Variants in ATG2B observed in about 807,000 individuals in gnomAD.
ATG2B encodes autophagy-related protein 2 homolog B.
A neutral mutation model predicts 241.3 loss-of-function variants in ATG2B; 121 were observed. The ratio of observed to expected loss-of-function variants is 0.50; its 90% CI spans 0.43 to 0.58. The LOEUF (loss-of-function observed/expected upper bound fraction) is 0.58. Among genes scored for constraint, ATG2B ranks in the 20% least tolerant of loss-of-function variants. The pLI is 0.00. For missense variants in ATG2B, 2,306 were observed against 2,491.6 expected, an observed-to-expected ratio of 0.93 and a Z score of 1.59; for synonymous variants, 858 against 876.6, an observed-to-expected ratio of 0.98 and a Z score of 0.37.
intron 1 of ATG2B, among the ~76,000 whole-genome samples, chr14:96,354,951 A>G (rs1888434484): frequency 6.6e-6 from 1 of 152,078 alleles, no homozygotes; most frequent in Non-Finnish European, 1.5e-5. Flanking sequence ...TCTTTTCAGA[A>G]GTGTCTGTTC....
chr14:96,293,018 A>G (rs1415695272), intron 36 of ATG2B: 7 of 152,106 alleles, frequency 4.6e-5, no homozygotes, highest in Non-Finnish European at 8.8e-5. Flanking sequence ...GCCTTTTTTA[A>G]TTAATATTTT....
At position 96,279,452 on chromosome 14, in the gene ATG2B, C is replaced by T. The variant is rs1886138266; in HGVS notation, c.*6303G>A. ...ATTCACCATTTGCTGATCCCTGACT[C>T]TGGGCAAGGCACTGTGCTAGGCACC... On this transcript the variant is annotated 3_prime_UTR_variant, in exon 42 of 42. Coordinates refer to ENST00000359933, the MANE Select transcript of ATG2B (RefSeq NM_018036.7). 6.6e-6 allele frequency: 1 copy of T among 152,244 alleles called. No homozygotes were observed. Among genetic ancestry groups the T allele is most frequent in the African/African-American group, 2.4e-5 (1 of 41,456 alleles). 9.4% of individuals were successfully genotyped at this position (152,244 alleles called of 1,614,324 possible). A position where few individuals can be genotyped will look rare whatever the true frequency, so the allele number is the denominator to read the frequency against.
intron 18 of ATG2B, among the ~76,000 whole-genome samples, chr14:96,319,486 A>G (rs112366593): frequency 2.0e-5 from 3 of 152,330 alleles, no homozygotes; most frequent in African/African-American, 4.8e-5. Flanking sequence ...ACCTAAAACC[A>G]TACTGCTAAA....
In ATG2B at chr14:96,289,125, A is replaced by T. The variant is rs1595290180; in HGVS notation, c.6006+531T>A. ...ATCTTGAAATAAGTTGCAGAATGAG[A>T]CACATAACACCATTTACGGAAACTT... On this transcript the variant is annotated intron_variant, in intron 41 of 41. Transcript: ENST00000359933. This position sits in a 1 kb window ranked among gnomAD's most constrained non-coding sequence, Gnocchi z 4.3. 6.6e-6 allele frequency among the ~76,000 whole-genome samples: 1 copy of T among 152,224 alleles called. No homozygotes were observed. Among genetic ancestry groups the T allele is most frequent in the African/African-American group, 2.4e-5 (1 of 41,458 alleles).
Position 96,341,692 on chromosome 14 carries a change from G to C in ATG2B, c.754C>G (p.Pro252Ala). ...GGGTTCCAGCTAGGTGAGAGCTTTG[G>C]CTCAGTTTCCTACAATAAAGTGACA... is the stretch of plus-strand genomic sequence containing the variant. The part of the protein sequence containing the change: ...VCSTAPVETE[P>A]KLSPSWNPKI... The change falls in exon 6 of 42, where the codon CCA becomes GCA. Residue 252 changes from proline to alanine, a missense_variant. Transcript: ENST00000359933. The C allele has an allele frequency of 1.9e-6, 3 of 1,561,964 alleles. No homozygotes were observed. The highest frequency in any genetic ancestry group is 2.6e-6 in the Non-Finnish European group (3 of 1,153,526).
Position 96,284,425 on chromosome 14 carries a change from T to C in ATG2B, c.*1330A>G, listed in dbSNP as rs1886282181. On this transcript the variant is annotated 3_prime_UTR_variant, in exon 42 of 42. Coordinates refer to ENST00000359933, the MANE Select transcript of ATG2B (RefSeq NM_018036.7). ...ATTTAGAGAACGAAATTGATTTAAC[T>C]ACATTTTCCAAGCCCCAAATTGAAA... is the stretch of plus-strand genomic sequence containing the variant. 1 of 152,260 alleles carries C rather than the reference T, an allele frequency of 6.6e-6. No homozygotes were observed. Among genetic ancestry groups the C allele is most frequent in the Admixed American group, 6.5e-5 (1 of 15,286 alleles). 9.4% of individuals were successfully genotyped at this position (152,260 alleles called of 1,614,324 possible).
intron 21 of ATG2B, 121 bp from the exon 22 acceptor site, chr14:96,315,704 G>A: frequency 1.4e-6 from 1 of 722,368 alleles, no homozygotes; most frequent in Non-Finnish European, 2.3e-6. Flanking sequence ...AAGGAGGCAT[G>A]ATGACAAAAA....
At position 96,333,881 on chromosome 14, in the gene ATG2B, C is replaced by G. The variant is rs1887805260; in HGVS notation, c.1022-8G>C. On this transcript the variant is annotated splice_region_variant and splice_polypyrimidine_tract_variant and intron_variant, in intron 7 of 41. Coordinates refer to ENST00000359933, the MANE Select transcript of ATG2B (RefSeq NM_018036.7). ...CTATTTTGCTAGAATTTTCTATAAG[C>G]ATACAAAAGGAAACCAAAACAGTAA... The G allele has an allele frequency of 1.9e-6, 3 of 1,611,048 alleles. No homozygotes were observed. The highest frequency in any genetic ancestry group is 2.5e-6 in the Non-Finnish European group (3 of 1,178,038).
At chr14:96,355,643 A>G (rs1462176534) in intron 1 of ATG2B, among the ~76,000 whole-genome samples, 4 of 152,280 alleles carry the variant, frequency 2.6e-5, no homozygotes, top group African/African-American at 9.6e-5. Context: ...GTACTAAGCA[A>G]ACACTTTTTA....
In ATG2B at chr14:96,332,527, C is replaced by T. The variant is rs1887765478; in HGVS notation, c.1336G>A (p.Ala446Thr). 6.2e-7 allele frequency: 1 copy of T among 1,609,908 alleles called. No homozygotes were observed. Among genetic ancestry groups the T allele is most frequent in the Non-Finnish European group, 8.5e-7 (1 of 1,178,554 alleles). ...ACAGTAGCACTTAATGGAGATCCTG[C>T]TGGGGTATTTGTATATGTACTAGTT... Reference protein sequence around the residue: ...SLTSTYTNTPAGSPLSATVLQ... With the variant: ...SLTSTYTNTPTGSPLSATVLQ... Residue 446 changes from alanine (A) to threonine (T), a missense_variant, in exon 9 of 42, where the codon GCA (alanine) becomes ACA (threonine). Around this residue, in one of 2 missense-constraint regions of ATG2B, gnomAD observed 1,927 missense variants for 2,011.2 expected, o/e 0.96. Transcript: ENST00000359933.
intron 22 of ATG2B, 56 bp from the exon 23 acceptor site, chr14:96,315,290 A>C: frequency 6.3e-7 from 1 of 1,587,602 alleles, no homozygotes; most frequent in Non-Finnish European, 8.6e-7. Flanking sequence ...CTATAACTCA[A>C]AAGTTTTTCC....
chr14:96,322,585 G>T lies in ATG2B; in HGVS notation c.2691C>A (p.Ala897=), dbSNP rs757305115. Residue 897 remains alanine, a synonymous_variant, in exon 17 of 42, where the codon GCC becomes GCA. Coordinates refer to ENST00000359933, the MANE Select transcript of ATG2B (RefSeq NM_018036.7). ...LKDVCDLRRP[A]PSPFSSRRVM... is the part of the protein sequence containing the mutation. ...CTCTACGAGAAGAAAAAGGAGATGGGGCTGGTCTTCTTAGATCACAAACAT... is the reference window on the plus strand; with the variant it reads ...CTCTACGAGAAGAAAAAGGAGATGGTGCTGGTCTTCTTAGATCACAAACAT... 11 of 1,613,114 alleles carry T rather than the reference G, an allele frequency of 6.8e-6. No homozygotes were observed. The Admixed American group carries it at 1.8e-4, about 27-fold the overall frequency.
chr14:96,287,987 A>C (rs1886384339), intron 41 of ATG2B, among the ~76,000 whole-genome samples: 2 of 146,456 alleles, frequency 1.4e-5, no homozygotes, highest in South Asian at 4.4e-4. Flanking sequence ...AAAATGGAAA[A>C]GAAATACCAA....
At chr14:96,302,132 C>A in intron 33 of ATG2B, 24 bp from the exon 34 acceptor site, 1 of 1,441,558 alleles carries the variant, frequency 6.9e-7, no homozygotes, top group Non-Finnish European at 9.7e-7. Context: ...AAGAGAATAA[C>A]ATTTTTCCCC....
At chr14:96,319,382 A>T (rs1440959321) in intron 18 of ATG2B, among the ~76,000 whole-genome samples, 2 of 152,238 alleles carry the variant, frequency 1.3e-5, no homozygotes, top group Non-Finnish European at 2.9e-5. Context: ...GGCTGAAACA[A>T]AATAGATGCT....
At chr14:96,351,584 G>C (rs4255722) in intron 1 of ATG2B, among the ~76,000 whole-genome samples, 1 of 152,112 alleles carries the variant, frequency 6.6e-6, no homozygotes, top group East Asian at 1.9e-4. Context: ...AAAAGTACAA[G>C]AATTAGCCAG....
intron 1 of ATG2B, among the ~76,000 whole-genome samples, chr14:96,355,173 C>A (rs11846894): frequency 0.32 from 48,946 of 151,810 alleles, 8,471 homozygotes; most frequent in African/African-American, 0.44. Flanking sequence ...GCTTTTGTTG[C>A]AATTGCTTTT....
chr14:96,332,763 T>G (rs1159756710), intron 8 of ATG2B, 108 bp from the exon 9 acceptor site: 5 of 850,526 alleles, frequency 5.9e-6, no homozygotes, highest in Non-Finnish European at 8.1e-6. Flanking sequence ...TTATATGAGA[T>G]ACAGCGATGC....
At chr14:96,297,134 T>C (rs1886665050) in intron 34 of ATG2B, among the ~76,000 whole-genome samples, 1 of 152,144 alleles carries the variant, frequency 6.6e-6, no homozygotes, top group African/African-American at 2.4e-5. Flanking sequence ...ATTTAATATA[T>C]ATAATTCATA....
Sources: allele counts gnomAD v4.1 joint callset (sites outside exome capture counted in the v4.1 genomes callset), GRCh38; gene constraint gnomAD v4.1.1; regional missense constraint gnomAD v4.1.1; non-coding constraint Gnocchi (gnomAD v3.1); transcripts MANE v1.5; gene names NCBI Gene and HGNC (gene_info 2026-07-23, HGNC 2026-07-21).